Variants in GPHN observed in about 807,000 individuals in gnomAD.
The protein encoded by GPHN is gephyrin.
GPHN carries 17 observed loss-of-function variants against 95.5 expected under a neutral mutation model. The observed-to-expected ratio is 0.18, with a 90% CI of 0.12 to 0.27. The LOEUF (loss-of-function observed/expected upper bound fraction) is 0.27. GPHN is among the 10% of genes least tolerant of loss of function. GPHN has a pLI of 1.00. For synonymous variants in GPHN, 320 were observed against 322.5 expected, an observed-to-expected ratio of 0.99 and a Z score of 0.08; for missense variants, 660 against 978.1, an observed-to-expected ratio of 0.67 and a Z score of 4.34.
rs57810648 is a variant in GPHN, at chr14:66,623,617, CAAAA to C, written c.65-57472_65-57469del. Among the ~76,000 whole-genome samples, 170 of 91,490 alleles carry C rather than the reference CAAAA, an allele frequency of 1.9e-3. 1 individual carries two copies. Among genetic ancestry groups the C allele is most frequent in the Middle Eastern group, 0.014 (2 of 144 alleles). 60.0% of individuals were successfully genotyped at this position (91,490 alleles called of 152,430 possible). A position where few individuals can be genotyped will look rare whatever the true frequency, so the allele number is the denominator to read the frequency against. On this transcript the variant is annotated intron_variant, in intron 1 of 22. Transcript: ENST00000478722. ...TGTGTGTTGGAGTGAGACTCTGTTTCAAAAAAAAAAAAAAAAAAAAAGCAAAGTC... is the reference window on the plus strand; with the variant it reads ...TGTGTGTTGGAGTGAGACTCTGTTTCAAAAAAAAAAAAAAAAAGCAAAGTC...
the GPHN span, chr14:67,382,308 TA>T: frequency 2.4e-5 from 16 of 670,740 alleles, no homozygotes; most frequent in Admixed American, 2.8e-4. Flanking sequence ...TGTAGGACCC[TA>T]AATTACTGTC....
intron 9 of GPHN, among the ~76,000 whole-genome samples, chr14:67,010,444 CGGG>C (rs1246203484): frequency 6.7e-6 from 1 of 149,582 alleles, no homozygotes; most frequent in Non-Finnish European, 1.5e-5. Flanking sequence ...CCCAGTTACT[CGGG>C]AGGTTGAGGC....
At chr14:67,364,564 T>C in the GPHN span, 2 of 507,488 alleles carry the variant, frequency 3.9e-6, no homozygotes, top group Non-Finnish European at 6.8e-6. Context: ...ACAAAAATGT[T>C]GAGCAAAATA....
At chr14:67,653,456 G>A in the GPHN span, 1 of 1,614,000 alleles carries the variant, frequency 6.2e-7, no homozygotes, top group East Asian at 2.2e-5. Context: ...ATTGAACGGA[G>A]AATCTTCCGA....
At chr14:66,859,283 C>T (rs904743441) in intron 4 of GPHN, among the ~76,000 whole-genome samples, 1 of 152,166 alleles carries the variant, frequency 6.6e-6, no homozygotes, top group Non-Finnish European at 1.5e-5. Flanking sequence ...TATCAACCCA[C>T]CATCCCCAGC....
chr14:66,706,716 G>GA lies in GPHN; in HGVS notation c.143+25535dup, dbSNP rs2069108322. 1.3e-5 allele frequency among the ~76,000 whole-genome samples: 2 copies of GA among 152,114 alleles called. 1 individual carries two copies. The highest frequency in any genetic ancestry group is 4.1e-4 in the South Asian group (2 of 4,832). ...ACCCAAAACTATAAAAACCCTAGAAGAAAACCTAGGTAATACCATTCAGGA... is the reference window on the plus strand; with the variant it reads ...ACCCAAAACTATAAAAACCCTAGAAGAAAAACCTAGGTAATACCATTCAGGA... On this transcript the variant is annotated intron_variant, in intron 2 of 22. Transcript: ENST00000478722.
chr14:67,182,026 T>C (rs1194581207), downstream of GPHN, among the ~76,000 whole-genome samples: 1 of 152,158 alleles, frequency 6.6e-6, no homozygotes, highest in Admixed American at 6.5e-5. Context: ...GAACCTGCAG[T>C]TGGTCTCGTC....
chr14:67,183,655 C>T (rs1013459185), downstream of GPHN, among the ~76,000 whole-genome samples: 1 of 151,674 alleles, frequency 6.6e-6, no homozygotes, highest in Non-Finnish European at 1.5e-5. Context: ...TCTCCACCTC[C>T]CGGGTTCAAG....
intron 3 of GPHN, among the ~76,000 whole-genome samples, chr14:66,794,088 G>GA (rs965212615): frequency 2.6e-5 from 4 of 152,078 alleles, no homozygotes; most frequent in East Asian, 1.9e-4. Flanking sequence ...TAAAAGGATA[G>GA]AAAAAATATA....
At chr14:67,501,964 T>G in the GPHN span, among the ~76,000 whole-genome samples, 1 of 152,220 alleles carries the variant, frequency 6.6e-6, no homozygotes, top group Non-Finnish European at 1.5e-5. Context: ...CTTTTGGTTT[T>G]ATAGTGCTTC....
At chr14:67,478,636 C>G in the GPHN span, among the ~76,000 whole-genome samples, 2 of 152,360 alleles carry the variant, frequency 1.3e-5, no homozygotes, top group Non-Finnish European at 2.9e-5. Context: ...GCTGGCAAAG[C>G]CCTTCACAAC....
At chr14:67,300,993 G>A in the GPHN span, among the ~76,000 whole-genome samples, 1 of 152,048 alleles carries the variant, frequency 6.6e-6, no homozygotes, top group Non-Finnish European at 1.5e-5. Flanking sequence ...CACCCAGCCT[G>A]ACTATAACTC....
At chr14:66,765,355 A>G (rs1261739205) in intron 2 of GPHN, among the ~76,000 whole-genome samples, 1 of 152,242 alleles carries the variant, frequency 6.6e-6, no homozygotes, top group Non-Finnish European at 1.5e-5. Flanking sequence ...CCATAAACAC[A>G]CATGTATATG....
chr14:66,581,500 A>G (rs2140467174), intron 1 of GPHN, among the ~76,000 whole-genome samples: 1 of 152,144 alleles, frequency 6.6e-6, no homozygotes, highest in East Asian at 1.9e-4. Context: ...GAATTACAAA[A>G]CAACCGGAAA....
chr14:66,884,112 C>T (rs112842525), intron 5 of GPHN, among the ~76,000 whole-genome samples: 2,468 of 152,174 alleles, frequency 0.016, 30 homozygotes, highest in Non-Finnish European at 0.025. Flanking sequence ...GAAAGAGATT[C>T]CTCTTACCTT....
chr14:67,273,121 T>C, the GPHN span, among the ~76,000 whole-genome samples: 13 of 151,338 alleles, frequency 8.6e-5, no homozygotes, highest in Admixed American at 5.3e-4. Flanking sequence ...TTCTTTCTTT[T>C]TTTTTTTTTT....
chr14:66,823,666 C>A (rs1239485476), intron 3 of GPHN, among the ~76,000 whole-genome samples: 1 of 152,042 alleles, frequency 6.6e-6, no homozygotes, highest in Non-Finnish European at 1.5e-5. Context: ...GGGAAAAAAT[C>A]ATTTTTTAGG....
chr14:67,158,926 T>A (rs2081792022), intron 18 of GPHN, among the ~76,000 whole-genome samples: 1 of 152,208 alleles, frequency 6.6e-6, no homozygotes, highest in Non-Finnish European at 1.5e-5. Flanking sequence ...CTTCAAGGAA[T>A]GTATATGGCT....
rs140454986 is a variant in GPHN, at chr14:66,736,999, T to C, written c.144-39465T>C. ...CAGTCTTCTGAGTTTGTTTCTCCAG[T>C]CCTAAAATTATTATATGTTTCATTC... On this transcript the variant is annotated intron_variant, in intron 2 of 22. Coordinates refer to ENST00000478722, the MANE Select transcript of GPHN (RefSeq NM_020806.5). Among the ~76,000 whole-genome samples the C allele has an allele frequency of 3.6e-3, 543 of 152,340 alleles. 8 individuals carry two copies. Among genetic ancestry groups the C allele is most frequent in the Admixed American group, 6.7e-3 (103 of 15,306 alleles).
Sources: allele counts gnomAD v4.1 joint callset (sites outside exome capture counted in the v4.1 genomes callset), GRCh38; gene constraint gnomAD v4.1.1; transcripts MANE v1.5; gene names NCBI Gene and HGNC (gene_info 2026-07-23, HGNC 2026-07-21).